The following ROCK2 variants were observed in gnomAD, a reference collection of about 807,000 sequenced individuals.
ROCK2 encodes rho-associated protein kinase 2.
A neutral mutation model predicts 195.1 loss-of-function variants in ROCK2; 61 were observed. The ratio of observed to expected loss-of-function variants is 0.31; its 90% CI spans 0.25 to 0.39. The LOEUF is 0.39. ROCK2 is among the 10% of genes least tolerant of loss of function. The pLI, the probability that ROCK2 is intolerant of heterozygous loss-of-function variation, is 1.00. For synonymous variants in ROCK2, 504 were observed against 545.5 expected (o/e 0.92, Z 1.06); for missense variants, 1,109 against 1,637.4 (o/e 0.68, Z 5.57).
rs376177845 is a variant in ROCK2 at position 11,214,376 on chromosome 2, C to G, written c.2024G>C (p.Arg675Thr). The change falls in exon 17 of 33, where the codon AGA (arginine) becomes ACA (threonine). Residue 675 changes from arginine (R) to threonine (T), a missense_variant. By Grantham distance (71) the Arg-to-Thr change is moderately conservative. Transcript: ENST00000315872. ...VELEKRQLQE[R>T]FTDLEKEKSN... ...TTTTACCTTTTCCAAATCAGTAAAT[C>G]TCTCCTGAAGTTGTCTCTTCTCCAG... 6.3e-7 allele frequency: 1 copy of G among 1,583,400 alleles called. No individual in the cohort carries two copies. The highest frequency in any genetic ancestry group is 1.1e-5 in the South Asian group (1 of 88,124).
In ROCK2 at chr2:11,183,294, G is replaced by C; in HGVS notation, c.*143C>G. 1.8e-6 allele frequency: 1 copy of C among 561,110 alleles called. No individual in the cohort carries two copies. Among genetic ancestry groups the C allele is most frequent in the Non-Finnish European group, 3.1e-6 (1 of 321,338 alleles). 34.8% of individuals were successfully genotyped at this position (561,110 alleles called of 1,614,324 possible). A position where few individuals can be genotyped will look rare whatever the true frequency, so the allele number is the denominator to read the frequency against. On this transcript the variant is annotated 3_prime_UTR_variant, in exon 33 of 33. Coordinates refer to ENST00000315872, the MANE Select transcript of ROCK2 (RefSeq NM_004850.5). ...TGTAATTTATATTACAGGGAAAAGG[G>C]GAACACATATATGTATGAGTGTATG...
At chr2:11,234,119 AAAAT>A (rs904225175) in intron 5 of ROCK2, 2 of 152,126 alleles carry the variant, frequency 1.3e-5, no homozygotes, top group African/African-American at 2.4e-5. Context: ...ATAATAAATA[AAAAT>A]AAATAAAAGT....
chr2:11,340,797 CAA>C (rs1049764859), intron 1 of ROCK2, among the ~76,000 whole-genome samples: 13 of 152,048 alleles, frequency 8.5e-5, no homozygotes, highest in African/African-American at 2.9e-4. Flanking sequence ...AAATTGTAAA[CAA>C]AGTTTTAATC....
intron 13 of ROCK2, among the ~76,000 whole-genome samples, chr2:11,215,847 T>A (rs1042933223): frequency 6.6e-6 from 1 of 152,236 alleles, no homozygotes; most frequent in Non-Finnish European, 1.5e-5. Context: ...TTTTGTTTAC[T>A]ATTCAAACTT....
chr2:11,324,287 T>A (rs1039439184), intron 1 of ROCK2, among the ~76,000 whole-genome samples: 1 of 152,010 alleles, frequency 6.6e-6, no homozygotes, highest in Non-Finnish European at 1.5e-5. Context: ...ATACAAAAAT[T>A]AGCTGGGCAT....
Position 11,298,491 on chromosome 2 carries a change from A to C in ROCK2, c.142-10755T>G, listed in dbSNP as rs866192938. On this transcript the variant is annotated intron_variant, in intron 1 of 32. Coordinates refer to ENST00000315872, the MANE Select transcript of ROCK2 (RefSeq NM_004850.5). ...TCTCAAAAAAAAAAAAAAAAAAAAA[A>C]ACCACACACAGGGGCAAATGAACTT... 4.5e-3 allele frequency among the ~76,000 whole-genome samples: 677 copies of C among 151,414 alleles called. 4 individuals carry two copies. Among genetic ancestry groups the C allele is most frequent in the African/African-American group, 0.015 (615 of 41,126 alleles).
rs1664511266 is a variant in ROCK2, at chr2:11,218,558, C to T, written c.1321-92G>A. On this transcript the variant is annotated intron_variant, in intron 10 of 32. Coordinates refer to ENST00000315872, the MANE Select transcript of ROCK2 (RefSeq NM_004850.5). ...AAAACACAAACCATAACAAAATTAT[C>T]CAACCTAATGCTTTAGCTTTCATAA... 13 of 859,670 alleles carry T rather than the reference C, an allele frequency of 1.5e-5. No homozygotes were observed. The South Asian group carries it at 2.2e-4, about 15-fold the overall frequency. The allele number at this position is 859,670 out of a possible 1,614,324, so 53.3% of individuals were successfully genotyped here. A position where few individuals can be genotyped will look rare whatever the true frequency, so the allele number is the denominator to read the frequency against.
intron 1 of ROCK2, among the ~76,000 whole-genome samples, chr2:11,329,482 CG>C (rs1668651393): frequency 6.7e-6 from 1 of 148,512 alleles, no homozygotes; most frequent in Non-Finnish European, 1.5e-5. Flanking sequence ...AAAAAAAAAC[CG>C]TAACTTCTTA....
At chr2:11,252,991 G>A (rs891682731) in intron 3 of ROCK2, among the ~76,000 whole-genome samples, 26 of 122,552 alleles carry the variant, frequency 2.1e-4, no homozygotes, top group Non-Finnish European at 4.3e-4. Context: ...AATATTTAAA[G>A]GTAATCTGCA....
At chr2:11,340,927 A>G (rs992728635) in intron 1 of ROCK2, among the ~76,000 whole-genome samples, 6 of 152,196 alleles carry the variant, frequency 3.9e-5, no homozygotes, top group African/African-American at 1.4e-4. Flanking sequence ...AAAAGCACAG[A>G]CCTTTAGAAA....
At chr2:11,330,296 T>C (rs1173120733) in intron 1 of ROCK2, among the ~76,000 whole-genome samples, 1 of 152,194 alleles carries the variant, frequency 6.6e-6, no homozygotes, top group Non-Finnish European at 1.5e-5. Flanking sequence ...ATACTTTTAT[T>C]ATATGTCACT....
At position 11,231,965 on chromosome 2, in the gene ROCK2, TA is replaced by T. The variant is rs573967107; in HGVS notation, c.723+3736del. On this transcript the variant is annotated intron_variant, in intron 5 of 32. Coordinates refer to ENST00000315872, the MANE Select transcript of ROCK2 (RefSeq NM_004850.5). ...ATTTTTCCTGTAAAGGGCCAGACTC[TA>T]AATATTTTGGCTTTGTGGGCCACAC... Among the ~76,000 whole-genome samples, 414 of 152,324 alleles carry T rather than the reference TA, an allele frequency of 2.7e-3. 4 individuals are homozygous for T. The highest frequency in any genetic ancestry group is 9.4e-3 in the African/African-American group (389 of 41,578).
chr2:11,240,629 A>G (rs899973230), intron 4 of ROCK2, among the ~76,000 whole-genome samples: 2 of 152,234 alleles, frequency 1.3e-5, no homozygotes, highest in African/African-American at 4.8e-5. Context: ...AGGAAATGTC[A>G]TTGAAGGGTA....
chr2:11,286,622 T>G lies in ROCK2; in HGVS notation c.241A>C (p.Lys81Gln). 6.3e-7 allele frequency: 1 copy of G among 1,597,678 alleles called. No homozygotes were observed. Among genetic ancestry groups the G allele is most frequent in the Non-Finnish European group, 8.6e-7 (1 of 1,167,262 alleles). ...GCCTTCATCTGTAGACCTCTGATTT[T>G]TTTCACAATTTTCTCATCTACCATA... Reference protein sequence around the residue: ...FLNRYEKIVKKIRGLQMKAED... With the variant: ...FLNRYEKIVKQIRGLQMKAED... The change falls in exon 3 of 33, where the codon AAA (lysine) becomes CAA (glutamine). Residue 81 changes from lysine (K) to glutamine (Q), a missense_variant. Physicochemically the swap from Lys to Gln is moderately conservative, Grantham distance 53. This residue lies in a region of ROCK2 where 253 missense variants were observed against 455.5 expected (regional missense o/e 0.56). Coordinates refer to ENST00000315872, the MANE Select transcript of ROCK2 (RefSeq NM_004850.5).
chr2:11,248,403 A>T (rs1458952683), intron 4 of ROCK2, among the ~76,000 whole-genome samples: 1 of 152,022 alleles, frequency 6.6e-6, no homozygotes, highest in Non-Finnish European at 1.5e-5. Context: ...CTAGTGAAGA[A>T]ATATAATAGT....
At position 11,208,398 on chromosome 2, in the gene ROCK2, C is replaced by G. The variant is rs201820613; in HGVS notation, c.2253G>C (p.Glu751Asp). 6.3e-4 allele frequency: 971 copies of G among 1,553,596 alleles called. No individual in the cohort carries two copies. Among genetic ancestry groups the G allele is most frequent in the Non-Finnish European group, 7.4e-4 (842 of 1,142,062 alleles). Reference sequence around the variant, plus strand: ...TTTTCTCAGCTTCTAGCAATAGGTTCTCCACTTTCTGTTTTAAAGTTCTTT... The same window carrying G: ...TTTTCTCAGCTTCTAGCAATAGGTTGTCCACTTTCTGTTTTAAAGTTCTTT... ...LEERTLKQKV[E>D]NLLLEAEKRC... The change falls in exon 19 of 33, where the codon GAG (glutamate) becomes GAC (aspartate). Residue 751 changes from glutamate (E) to aspartate (D), a missense_variant. Physicochemically the swap from Glu to Asp is conservative, Grantham distance 45 (BLOSUM62 2). Transcript: ENST00000315872.
intron 3 of ROCK2, among the ~76,000 whole-genome samples, chr2:11,273,087 T>A (rs1014022813): frequency 9.9e-3 from 137 of 13,888 alleles, no homozygotes; most frequent in East Asian, 0.013. Flanking sequence ...ATGCAGGAAA[T>A]AAGGGTCAAA....
At chr2:11,191,501 A>C (rs1663422893) in intron 32 of ROCK2, among the ~76,000 whole-genome samples, 1 of 152,174 alleles carries the variant, frequency 6.6e-6, no homozygotes, top group Non-Finnish European at 1.5e-5. Context: ...TATAGATTTG[A>C]TTTAAAACTT....
At position 11,344,345 on chromosome 2, in the gene ROCK2, C is replaced by T; in HGVS notation, c.-209G>A. Reference sequence around the variant, plus strand: ...CGGCCCAGCCCGGCCCAGCCCGGCCCGGCCCTGCCGGGAGCGGCGGGGAAC... The same window carrying T: ...CGGCCCAGCCCGGCCCAGCCCGGCCTGGCCCTGCCGGGAGCGGCGGGGAAC... On this transcript the variant is annotated 5_prime_UTR_variant, in exon 1 of 33. Coordinates refer to ENST00000315872, the MANE Select transcript of ROCK2 (RefSeq NM_004850.5). The surrounding 1 kb of genome is among the most constrained non-coding windows in gnomAD (Gnocchi z 5.4). 1 of 1,186,846 alleles carries T rather than the reference C, an allele frequency of 8.4e-7. No homozygotes were observed. The highest frequency in any genetic ancestry group is 1.0e-6 in the Non-Finnish European group (1 of 959,378). The allele number at this position is 1,186,846 out of a possible 1,614,324, so 73.5% of individuals were successfully genotyped here. A position where few individuals can be genotyped will look rare whatever the true frequency, so the allele number is the denominator to read the frequency against.
Sources: allele counts gnomAD v4.1 joint callset (sites outside exome capture counted in the v4.1 genomes callset), GRCh38; gene constraint gnomAD v4.1.1; regional missense constraint gnomAD v4.1.1; non-coding constraint Gnocchi (gnomAD v3.1); transcripts MANE v1.5; gene names NCBI Gene and HGNC (gene_info 2026-07-23, HGNC 2026-07-21).